Variants in RBFOX1 observed in about 807,000 individuals in gnomAD.
RBFOX1 encodes the protein RNA binding protein fox-1 homolog 1.
Under a neutral mutation model 57.7 loss-of-function variants are expected in RBFOX1, and 8 were observed. That is an observed-to-expected ratio of 0.14 (90% CI 0.08 to 0.25). The LOEUF (loss-of-function observed/expected upper bound fraction) is 0.25. RBFOX1 is among the 10% of genes least tolerant of loss of function. The pLI is 1.00. For missense variants in RBFOX1, 611 were observed against 548.5 expected (o/e 1.11, Z -1.14); for synonymous variants, 326 against 222.4 (o/e 1.47, Z -4.15).
chr16:7,117,879 G>A, intron 4 of RBFOX1, among the ~76,000 whole-genome samples: 1 of 152,140 alleles, frequency 6.6e-6, no homozygotes, highest in African/African-American at 2.4e-5. Flanking sequence ...TGTAGCTGCA[G>A]GATTCGTGGC....
chr16:6,429,014 ATGCACCTGCTCTG>A (rs1206647102), intron 2 of RBFOX1, among the ~76,000 whole-genome samples: 3 of 152,206 alleles, frequency 2.0e-5, no homozygotes, highest in Non-Finnish European at 2.9e-5. Flanking sequence ...ATTCGGTGAC[ATGCACCTGCTCTG>A]TGCTGTTTCC....
chr16:5,386,976 AG>A (rs1226956780), intron 1 of RBFOX1, among the ~76,000 whole-genome samples: 2 of 152,214 alleles, frequency 1.3e-5, no homozygotes, highest in African/African-American at 4.8e-5. Flanking sequence ...TCTTGAACCC[AG>A]GAGGCGGAGG....
rs143163936 is a variant in RBFOX1, at chr16:7,161,583, C to G, written c.27+109485C>G. ...GTCCTTTGCTAAGGCTGTGTACCTA[C>G]TAAGAATCAGATTTAATGTTTGAAT... On this transcript the variant is annotated intron_variant, in intron 4 of 15. Transcript: ENST00000550418. 1.6e-3 allele frequency among the ~76,000 whole-genome samples: 240 copies of G among 152,282 alleles called. 1 individual carries two copies. The highest frequency in any genetic ancestry group is 2.2e-3 in the Non-Finnish European group (153 of 68,018).
intron 1 of RBFOX1, among the ~76,000 whole-genome samples, chr16:6,214,645 GA>G (rs2097321142): frequency 7.7e-6 from 1 of 129,424 alleles, no homozygotes; most frequent in East Asian, 2.6e-4. Context: ...GAGGGAGAGG[GA>G]CAGGGAGAGA....
intron 1 of RBFOX1, among the ~76,000 whole-genome samples, chr16:6,042,253 A>G (rs1462730828): frequency 1.3e-5 from 2 of 150,792 alleles, no homozygotes; most frequent in Non-Finnish European, 3.0e-5. Flanking sequence ...GGCACACACC[A>G]CCATGCCCAG....
At chr16:7,581,618 T>C (rs1452726426) in intron 6 of RBFOX1, among the ~76,000 whole-genome samples, 1 of 147,624 alleles carries the variant, frequency 6.8e-6, no homozygotes, top group Non-Finnish European at 1.5e-5. Flanking sequence ...ATCCTGAGTC[T>C]CTCTAGTCTT....
At chr16:6,164,207 A>G (rs978328266) in intron 1 of RBFOX1, among the ~76,000 whole-genome samples, 1 of 152,210 alleles carries the variant, frequency 6.6e-6, no homozygotes, top group Non-Finnish European at 1.5e-5. Context: ...ATTAGTCTAC[A>G]TATGCAAAAT....
At chr16:6,545,924 CTAGA>C (rs961966845) in intron 2 of RBFOX1, among the ~76,000 whole-genome samples, 4 of 152,172 alleles carry the variant, frequency 2.6e-5, no homozygotes, top group African/African-American at 9.7e-5. Flanking sequence ...ACTGCACGTG[CTAGA>C]TAGTCTCTGT....
intron 3 of RBFOX1, among the ~76,000 whole-genome samples, chr16:6,902,456 C>G (rs2068726112): frequency 6.6e-6 from 1 of 152,126 alleles, no homozygotes. Context: ...AGGTGCAAAA[C>G]CATGCTTGTA....
At chr16:7,378,901 A>G (rs2097734642) in intron 4 of RBFOX1, among the ~76,000 whole-genome samples, 2 of 152,284 alleles carry the variant, frequency 1.3e-5, no homozygotes, top group South Asian at 4.2e-4. Flanking sequence ...ACTTCTTTAG[A>G]TTATCACTGT....
At chr16:7,702,956 T>G (rs1250873511) in intron 14 of RBFOX1, among the ~76,000 whole-genome samples, 1 of 152,228 alleles carries the variant, frequency 6.6e-6, no homozygotes, top group Non-Finnish European at 1.5e-5. Context: ...TACCTTCTGA[T>G]GTCCCCCTTC....
At chr16:7,703,787 T>G (rs1238884693) in intron 14 of RBFOX1, among the ~76,000 whole-genome samples, 2 of 152,168 alleles carry the variant, frequency 1.3e-5, no homozygotes, top group Non-Finnish European at 2.9e-5. Flanking sequence ...AACCTTAAGT[T>G]CAAGTAAGTA....
At chr16:6,271,907 C>A (rs578192279) in intron 1 of RBFOX1, among the ~76,000 whole-genome samples, 1 of 152,042 alleles carries the variant, frequency 6.6e-6, no homozygotes, top group African/African-American at 2.4e-5. Flanking sequence ...ATATCCTCTT[C>A]CAGAAAACAG....
rs147009606 is a variant in RBFOX1 at position 5,852,186 on chromosome 16, C to T, written c.319-15117C>T. On this transcript the variant is annotated intron_variant, in intron 3 of 19. Coordinates refer to the RBFOX1 transcript ENST00000641259. The stretch of plus-strand genomic sequence containing the variant: ...TTGCAGGGAAAGCTTCCTTATCTTC[C>T]AAGATCGTGCCTTCAAGTTCATGCC... 4.1e-4 allele frequency among the ~76,000 whole-genome samples: 62 copies of T among 152,214 alleles called. 1 individual carries two copies. The highest frequency in any genetic ancestry group is 1.4e-3 in the African/African-American group (57 of 41,544).
At chr16:6,962,987 G>A (rs1016744309) in intron 3 of RBFOX1, among the ~76,000 whole-genome samples, 3 of 152,172 alleles carry the variant, frequency 2.0e-5, no homozygotes, top group Admixed American at 2.0e-4. Flanking sequence ...AGGAGAAAAA[G>A]AATGCTGACT....
At chr16:6,696,791 A>G (rs555029299) in intron 3 of RBFOX1, among the ~76,000 whole-genome samples, 7 of 152,256 alleles carry the variant, frequency 4.6e-5, no homozygotes, top group Non-Finnish European at 8.8e-5. Context: ...AGTTTTGTAG[A>G]AAAAAAGAGG....
At chr16:5,451,816 A>G (rs1483712531) in intron 1 of RBFOX1, among the ~76,000 whole-genome samples, 1 of 151,824 alleles carries the variant, frequency 6.6e-6, no homozygotes, top group Non-Finnish European at 1.5e-5. Context: ...CAGCCCTTTC[A>G]AGTTTTACTT....
intron 4 of RBFOX1, among the ~76,000 whole-genome samples, chr16:7,434,871 A>G (rs1052081564): frequency 7.9e-5 from 12 of 151,734 alleles, no homozygotes; most frequent in Non-Finnish European, 1.6e-4. Flanking sequence ...TCCTGGGTAG[A>G]TGGGATTACA....
intron 4 of RBFOX1, among the ~76,000 whole-genome samples, chr16:5,886,111 C>T (rs753474107): frequency 6.6e-6 from 1 of 152,184 alleles, no homozygotes; most frequent in Non-Finnish European, 1.5e-5. Context: ...TGGTCATAAG[C>T]TTCCTGAGGC....
Sources: allele counts gnomAD v4.1 joint callset (sites outside exome capture counted in the v4.1 genomes callset), GRCh38; gene constraint gnomAD v4.1.1; transcripts MANE v1.5; gene names NCBI Gene and HGNC (gene_info 2026-07-23, HGNC 2026-07-21).